The following RBL1 variants were observed in gnomAD, a reference collection of about 807,000 sequenced individuals.
RBL1 encodes the protein retinoblastoma-like protein 1.
In RBL1, 82 loss-of-function variants were observed where a neutral mutation model predicts 123.0. The observed-to-expected ratio is 0.67, with a 90% CI of 0.56 to 0.80. RBL1 has a LOEUF of 0.80. Ranked by LOEUF, RBL1 falls within the 30% of genes least tolerant of loss-of-function variation. RBL1 has a pLI of 0.00. For synonymous variants in RBL1, 405 were observed against 441.3 expected (o/e 0.92, Z 1.03); for missense variants, 1,171 against 1,299.6 (o/e 0.90, Z 1.52).
At chr20:37,071,306 C>T (rs2065278023) in intron 2 of RBL1, among the ~76,000 whole-genome samples, 1 of 152,114 alleles carries the variant, frequency 6.6e-6, no homozygotes, top group South Asian at 2.1e-4. Flanking sequence ...AGCAAATCAT[C>T]CAAAGCTATT....
At chr20:37,006,101 G>A (rs537220642) in intron 20 of RBL1, among the ~76,000 whole-genome samples, 1 of 151,188 alleles carries the variant, frequency 6.6e-6, no homozygotes, top group South Asian at 2.1e-4. Flanking sequence ...GGGTCTTCCT[G>A]TGTTTCTAGG....
At position 37,068,030 on chromosome 20, in the gene RBL1, AT is replaced by A. The variant is rs1568876151; in HGVS notation, c.446del (p.Asn149IlefsTer42). ...YEPIFLDIFQ[N>X]PYEEPPKLPR... ...GTAACTTTGGTGGTTCTTCATATGG[AT>A]TTTGAAATATATCTAAAAAAATTGG... On this transcript the variant is annotated frameshift_variant, in exon 3 of 22. Coordinates refer to ENST00000373664, the MANE Select transcript of RBL1 (RefSeq NM_002895.5). LOFTEE classifies it high-confidence loss of function. The A allele has an allele frequency of 6.2e-7, 1 of 1,613,754 alleles. No homozygotes were observed. The highest frequency in any genetic ancestry group is 8.5e-7 in the Non-Finnish European group (1 of 1,179,948).
In RBL1 at chr20:37,022,818, A is replaced by C; in HGVS notation, c.2391T>G (p.His797Gln). ...GATCACGTAAGCGTACACTTGCCAA[A>C]TGATAGACCTAAAATAGAAGGTAAC... is the stretch of plus-strand genomic sequence containing the variant. Reference protein sequence around the residue: ...SLALFYRKVYHLASVRLRDLC... With the variant: ...SLALFYRKVYQLASVRLRDLC... The change falls in exon 17 of 22, where the codon CAT becomes CAG. Residue 797 changes from histidine to glutamine, a missense_variant. Coordinates refer to ENST00000373664, the MANE Select transcript of RBL1 (RefSeq NM_002895.5). 6.2e-7 allele frequency: 1 copy of C among 1,606,758 alleles called. No individual in the cohort carries two copies. Among genetic ancestry groups the C allele is most frequent in the Non-Finnish European group, 8.5e-7 (1 of 1,176,310 alleles).
intron 20 of RBL1, among the ~76,000 whole-genome samples, chr20:37,004,462 C>T (rs2146199802): frequency 6.6e-6 from 1 of 150,846 alleles, no homozygotes; most frequent in Non-Finnish European, 1.5e-5. Flanking sequence ...CCTGTAATGC[C>T]AGCACTTTGG....
At chr20:37,073,141 A>G (rs2146313426) in intron 2 of RBL1, among the ~76,000 whole-genome samples, 1 of 152,166 alleles carries the variant, frequency 6.6e-6, no homozygotes, top group South Asian at 2.1e-4. Context: ...TGTTTTTTAG[A>G]GACAGGGGTA....
chr20:37,013,395 CTCGT>C (rs1280401056), intron 19 of RBL1, among the ~76,000 whole-genome samples: 1 of 151,202 alleles, frequency 6.6e-6, no homozygotes, highest in Non-Finnish European at 1.5e-5. Flanking sequence ...AGGCAGCATG[CTCGT>C]TAAAAGTCAT....
intron 19 of RBL1, among the ~76,000 whole-genome samples, chr20:37,013,561 C>T (rs933124993): frequency 4.2e-5 from 6 of 144,140 alleles, no homozygotes; most frequent in South Asian, 4.3e-4. Context: ...TCTCCCTCTG[C>T]GAGAAACACC....
intron 2 of RBL1, among the ~76,000 whole-genome samples, chr20:37,079,627 T>A (rs546518796): frequency 6.6e-6 from 1 of 151,978 alleles, no homozygotes; most frequent in Non-Finnish European, 1.5e-5. Flanking sequence ...TCACCACACT[T>A]CACTAACATT....
At chr20:37,027,578 T>C (rs1446036777) in intron 16 of RBL1, among the ~76,000 whole-genome samples, 1 of 152,200 alleles carries the variant, frequency 6.6e-6, no homozygotes. Context: ...CTGATTAACA[T>C]GTCTATCTTA....
chr20:37,046,857 C>T (rs1568854982), intron 12 of RBL1, among the ~76,000 whole-genome samples, 196 bp downstream of exon 12: 1 of 152,088 alleles, frequency 6.6e-6, no homozygotes, highest in African/African-American at 2.4e-5. Context: ...AGATAATCCT[C>T]CCACCTTGGC....
chr20:37,085,647 A>ATTTTTTTTTTTTTTTTTTTTTTTTTTT (rs1202673380), intron 2 of RBL1, among the ~76,000 whole-genome samples: 4 of 84,606 alleles, frequency 4.7e-5, no homozygotes, highest in Non-Finnish European at 8.6e-5. Flanking sequence ...TTGAAATTTG[A>ATTTTTTTTTTTTTTTTTTTTTTTTTTT]TTTTTTTTTT....
intron 16 of RBL1, among the ~76,000 whole-genome samples, chr20:37,028,197 T>C (rs571840062): frequency 1.3e-5 from 2 of 152,242 alleles, no homozygotes; most frequent in African/African-American, 4.8e-5. Flanking sequence ...AAACCACGTC[T>C]CTACTAAAAA....
Position 37,062,259 on chromosome 20 carries a change from T to G in RBL1, c.908A>C (p.Asn303Thr). The G allele has an allele frequency of 6.2e-7, 1 of 1,613,894 alleles. No homozygotes were observed. Among genetic ancestry groups the G allele is most frequent in the Non-Finnish European group, 8.5e-7 (1 of 1,179,912 alleles). ...SSFTDNSKAV[N>T]KEYEEYVLTV... ...TAGAACATACTCTTCATACTCCTTATTCACTGCTTTGCTGCAAAGAGAATT... is the reference window on the plus strand; with the variant it reads ...TAGAACATACTCTTCATACTCCTTAGTCACTGCTTTGCTGCAAAGAGAATT... Residue 303 changes from asparagine to threonine, a missense_variant, in exon 8 of 22, where the codon AAT (asparagine) becomes ACT (threonine). Physicochemically the swap from Asn to Thr is moderately conservative, Grantham distance 65. Coordinates refer to ENST00000373664, the MANE Select transcript of RBL1 (RefSeq NM_002895.5).
At chr20:37,089,501 A>C (rs562533904) in intron 1 of RBL1, among the ~76,000 whole-genome samples, 12 of 151,890 alleles carry the variant, frequency 7.9e-5, no homozygotes, top group Non-Finnish European at 1.5e-4. Flanking sequence ...AAAATTAGCC[A>C]GGCATGGTGG....
chr20:37,063,350 T>A (rs2065126484), intron 7 of RBL1, among the ~76,000 whole-genome samples: 1 of 152,074 alleles, frequency 6.6e-6, no homozygotes. Flanking sequence ...GCTGAGTAGC[T>A]CTTTTAAATG....
chr20:37,000,825 T>C (rs2063962585), intron 21 of RBL1, among the ~76,000 whole-genome samples: 1 of 128,398 alleles, frequency 7.8e-6, no homozygotes. Flanking sequence ...GAGGGGCGCC[T>C]CTGCCTGGCC....
At chr20:37,015,640 C>A (rs1198966683) in intron 19 of RBL1, among the ~76,000 whole-genome samples, 1 of 152,140 alleles carries the variant, frequency 6.6e-6, no homozygotes, top group Non-Finnish European at 1.5e-5. Flanking sequence ...CCGTGTTAGC[C>A]AGGATGGTCT....
chr20:37,065,117 A>G (rs958579239), intron 7 of RBL1, among the ~76,000 whole-genome samples: 1 of 151,944 alleles, frequency 6.6e-6, no homozygotes, highest in Non-Finnish European at 1.5e-5. Flanking sequence ...TTTTTTGTAG[A>G]GACAGGGTTT....
intron 20 of RBL1, among the ~76,000 whole-genome samples, chr20:37,006,690 A>T (rs1352041384): frequency 6.7e-6 from 1 of 149,934 alleles, no homozygotes; most frequent in Non-Finnish European, 1.5e-5. Context: ...GATACAAAAA[A>T]TTAGCCAGGT....
Sources: gnomAD v4.1 joint callset for allele counts (sites outside exome capture counted in the v4.1 genomes callset) on GRCh38, gnomAD v4.1.1 for gene constraint, MANE v1.5 for transcripts, NCBI Gene and HGNC (gene_info 2026-07-23, HGNC 2026-07-21) for gene names.